PDE10A: variants seen among roughly 807,000 people sequenced by gnomAD.
PDE10A encodes the protein phosphodiesterase 10A, also known as cAMP and cAMP-inhibited cGMP 3',5'-cyclic phosphodiesterase 10A.
A neutral mutation model predicts 97.7 loss-of-function variants in PDE10A; 39 were observed. The observed-to-expected ratio is 0.40, with a 90% CI of 0.31 to 0.52. PDE10A has a LOEUF of 0.52. Among genes scored for constraint, PDE10A ranks in the 20% least tolerant of loss-of-function variants. The pLI is 0.56. For synonymous variants in PDE10A, 371 were observed against 376.8 expected, an observed-to-expected ratio of 0.98 and a Z score of 0.18; for missense variants, 731 against 1,047.8, an observed-to-expected ratio of 0.70 and a Z score of 4.17.
chr6:165,443,874 G>C (rs1790652311), intron 5 of PDE10A, among the ~76,000 whole-genome samples: 1 of 152,102 alleles, frequency 6.6e-6, no homozygotes, highest in Non-Finnish European at 1.5e-5. Flanking sequence ...GTGATGGGAG[G>C]GGCTGCTGTG....
chr6:165,943,218 AGAAAGAAAGAAAGAAAGAAG>A lies in PDE10A; in HGVS notation c.-615+44291_-615+44310del, dbSNP rs1436152819. 3.4e-3 allele frequency among the ~76,000 whole-genome samples: 256 copies of A among 76,252 alleles called. 1 individual carries two copies. The highest frequency in any genetic ancestry group is 0.014 in the East Asian group (56 of 4,020). 50.0% of individuals were successfully genotyped at this position (76,252 alleles called of 152,430 possible). Reference sequence around the variant, plus strand: ...AAGAAAGAAAGAAAGAAAGAAAGAAAGAAAGAAAGAAAGAAAGAAGGAAGGAAGGAAGGAAGGAAGGAAGG... The same window carrying A: ...AAGAAAGAAAGAAAGAAAGAAAGAAAGAAGGAAGGAAGGAAGGAAGGAAGG... On this transcript the variant is annotated intron_variant, in intron 1 of 19. Coordinates refer to the PDE10A transcript ENST00000366882.
At chr6:165,477,525 T>C (rs1032228950) in intron 3 of PDE10A, among the ~76,000 whole-genome samples, 1 of 152,208 alleles carries the variant, frequency 6.6e-6, no homozygotes, top group Non-Finnish European at 1.5e-5. Context: ...CTAATATTTG[T>C]TGACTGAATG....
intron 1 of PDE10A, among the ~76,000 whole-genome samples, chr6:165,631,413 A>G (rs552133667): frequency 2.6e-5 from 4 of 152,354 alleles, no homozygotes; most frequent in Admixed American, 6.5e-5. Context: ...AAACATTCAC[A>G]TCATCCTCAG....
At chr6:165,899,690 C>T (rs1170138639) in intron 1 of PDE10A, among the ~76,000 whole-genome samples, 4 of 152,168 alleles carry the variant, frequency 2.6e-5, no homozygotes, top group Admixed American at 2.0e-4. Flanking sequence ...GGGGCCTTGG[C>T]ACCCGTGACC....
chr6:165,678,704 C>G (rs1338035271), intron 1 of PDE10A, among the ~76,000 whole-genome samples: 2 of 152,232 alleles, frequency 1.3e-5, no homozygotes, highest in South Asian at 2.1e-4. Flanking sequence ...CGCCCACACT[C>G]AGCATCTCCC....
chr6:165,910,195 A>T (rs1441357253), intron 1 of PDE10A, among the ~76,000 whole-genome samples: 1 of 152,192 alleles, frequency 6.6e-6, no homozygotes, highest in Non-Finnish European at 1.5e-5. Flanking sequence ...GTGCAGAGAC[A>T]TAGAGATGGG....
chr6:165,728,465 A>G (rs1792350762), intron 1 of PDE10A, among the ~76,000 whole-genome samples: 1 of 152,168 alleles, frequency 6.6e-6, no homozygotes, highest in African/African-American at 2.4e-5. Flanking sequence ...AATAATACAC[A>G]TTTTGAAAAA....
chr6:165,476,775 A>T (rs1779321022), intron 3 of PDE10A, among the ~76,000 whole-genome samples: 1 of 152,188 alleles, frequency 6.6e-6, no homozygotes, highest in Non-Finnish European at 1.5e-5. Context: ...TAAGAAAAAG[A>T]ATCAGAATGG....
rs890187620 is a variant in PDE10A at position 165,329,984 on chromosome 6, C to T, written c.*3041G>A. On this transcript the variant is annotated 3_prime_UTR_variant, in exon 22 of 22. Coordinates refer to ENST00000539869, the MANE Select transcript of PDE10A (RefSeq NM_001385079.1). ...CCACATCCATTGTATTTCTTTTGAC[C>T]CTTTTCTAATTAATCAATTCACATT... 38 of 152,070 alleles carry T rather than the reference C, an allele frequency of 2.5e-4. 1 individual carries two copies. The highest frequency in any genetic ancestry group is 2.1e-3 in the Admixed American group (32 of 15,262). The allele number at this position is 152,070 out of a possible 1,614,324, so 9.4% of individuals were successfully genotyped here.
At chr6:165,357,568 T>C (rs1012009142) in intron 18 of PDE10A, among the ~76,000 whole-genome samples, 6 of 152,120 alleles carry the variant, frequency 3.9e-5, no homozygotes, top group Non-Finnish European at 7.4e-5. Flanking sequence ...CAATGAAATA[T>C]TCAGAGTTCT....
intron 1 of PDE10A, among the ~76,000 whole-genome samples, chr6:165,593,482 A>C (rs1786405333): frequency 6.6e-6 from 1 of 152,176 alleles, no homozygotes; most frequent in Non-Finnish European, 1.5e-5. Context: ...TGGCTAACAA[A>C]GTTGATGGCA....
At chr6:165,412,592 G>A (rs1321118907) in intron 13 of PDE10A, among the ~76,000 whole-genome samples, 1 of 152,142 alleles carries the variant, frequency 6.6e-6, no homozygotes, top group Non-Finnish European at 1.5e-5. Flanking sequence ...CGTGAGGAGA[G>A]AGGACGGGTA....
At chr6:165,734,749 A>C (rs1792522304) in intron 1 of PDE10A, among the ~76,000 whole-genome samples, 1 of 152,210 alleles carries the variant, frequency 6.6e-6, no homozygotes. Context: ...CTTCCATCAT[A>C]TTCTTAATGG....
At chr6:165,932,143 A>G (rs1370805538) in intron 1 of PDE10A, among the ~76,000 whole-genome samples, 1 of 152,234 alleles carries the variant, frequency 6.6e-6, no homozygotes, top group Non-Finnish European at 1.5e-5. Context: ...AGCATGGCTC[A>G]GCCCAAGAAG....
At chr6:165,584,846 G>A (rs1367287424) in intron 1 of PDE10A, among the ~76,000 whole-genome samples, 6 of 152,144 alleles carry the variant, frequency 3.9e-5, no homozygotes, top group Non-Finnish European at 5.9e-5. Context: ...AAAGAACCCT[G>A]AGCAACAGGC....
chr6:165,948,464 C>A (rs1783849931), intron 1 of PDE10A: 1 of 152,316 alleles, frequency 6.6e-6, no homozygotes, highest in Non-Finnish European at 1.5e-5. Flanking sequence ...TTGCACCTAC[C>A]TCCCACCGGG....
chr6:165,521,218 TG>T (rs1196910170), intron 2 of PDE10A, among the ~76,000 whole-genome samples: 6 of 152,140 alleles, frequency 3.9e-5, no homozygotes, highest in Admixed American at 1.3e-4. Flanking sequence ...AAACATTGTG[TG>T]TGTTTTGACT....
chr6:165,447,095 CA>C (rs3837012), intron 5 of PDE10A, among the ~76,000 whole-genome samples: 4,442 of 137,386 alleles, frequency 0.032, 197 homozygotes, highest in African/African-American at 0.1. Flanking sequence ...GCAAATAAAG[CA>C]AAAAAAAAAA....
At chr6:165,656,363 T>C (rs548430193) in intron 1 of PDE10A, among the ~76,000 whole-genome samples, 75 of 151,298 alleles carry the variant, frequency 5.0e-4, no homozygotes, top group African/African-American at 1.7e-3. Flanking sequence ...CCTGGATGTG[T>C]GACTATTAAC....
Sources: allele counts gnomAD v4.1 joint callset (sites outside exome capture counted in the v4.1 genomes callset), GRCh38; gene constraint gnomAD v4.1.1; transcripts MANE v1.5; gene names NCBI Gene and HGNC (gene_info 2026-07-23, HGNC 2026-07-21).